The following ERC1 variants were observed in gnomAD, a reference collection of about 807,000 sequenced individuals.
ERC1 encodes the protein RAB6 interacting protein 2.
ERC1 carries 56 observed loss-of-function variants against 132.0 expected under a neutral mutation model. The observed-to-expected ratio is 0.42, with a 90% confidence interval of 0.34 to 0.53. The LOEUF (loss-of-function observed/expected upper bound fraction) is 0.53. Ranked by LOEUF, ERC1 falls within the 20% of genes least tolerant of loss-of-function variation. The pLI, the probability that ERC1 is intolerant of heterozygous loss-of-function variation, is 0.03. For synonymous variants in ERC1, 478 were observed against 476.1 expected, an observed-to-expected ratio of 1.00 and a Z score of -0.05; for missense variants, 1,202 against 1,349.9, an observed-to-expected ratio of 0.89 and a Z score of 1.72.
chr12:1,419,789 A>T lies in ERC1; in HGVS notation c.3024+11542A>T, dbSNP rs536980718. On this transcript the variant is annotated intron_variant, in intron 17 of 18. Transcript: ENST00000360905. ...TGCACTTCAAATGGTTAAGATGGTG[A>T]ATTTTATGTTATGTGTATTTTGCTA... 3.1e-4 allele frequency among the ~76,000 whole-genome samples: 47 copies of T among 151,922 alleles called. 1 individual carries two copies. The South Asian group carries it at 6.4e-3, about 21-fold the overall frequency.
At chr12:1,450,247 A>T (rs983512992) in intron 18 of ERC1, among the ~76,000 whole-genome samples, 9 of 152,192 alleles carry the variant, frequency 5.9e-5, no homozygotes, top group Non-Finnish European at 1.2e-4. Flanking sequence ...CATAACGTAA[A>T]CTATCACCAC....
intron 8 of ERC1, among the ~76,000 whole-genome samples, chr12:1,156,735 G>T (rs972894429): frequency 2.0e-5 from 3 of 152,014 alleles, no homozygotes; most frequent in African/African-American, 7.2e-5. Flanking sequence ...GACTTGGTAG[G>T]CAATTCTGAA....
intron 17 of ERC1, chr12:1,444,344 T>A (rs976301678): frequency 4.0e-5 from 17 of 426,014 alleles, no homozygotes; most frequent in Non-Finnish European, 6.6e-5. Flanking sequence ...GTTCTCTTCC[T>A]GTCTCCCAGA....
At position 1,445,222 on chromosome 12, in the gene ERC1, A is replaced by ATTTT. The variant is rs137864873; in HGVS notation, c.3213+494_3213+497dup. Among the ~76,000 whole-genome samples, 112 of 90,732 alleles carry ATTTT rather than the reference A, an allele frequency of 1.2e-3. 9 individuals carry two copies. The highest frequency in any genetic ancestry group is 4.8e-3 in the African/African-American group (91 of 18,776). 59.5% of individuals were successfully genotyped at this position (90,732 alleles called of 152,430 possible). On this transcript the variant is annotated intron_variant, in intron 18 of 18. Coordinates refer to ENST00000360905, the MANE Select transcript of ERC1 (RefSeq NM_178040.4). ...GTATAGTCAGCATGTTGTACAGTAG[A>ATTTT]TTTTTTTTTTTTTTTTTTTTTTTTT...
chr12:1,401,394 C>G (rs2091055709), intron 16 of ERC1, among the ~76,000 whole-genome samples: 1 of 152,098 alleles, frequency 6.6e-6, no homozygotes. Flanking sequence ...GCAGGTAGAG[C>G]AGTAGAATCG....
chr12:1,215,335 C>T (rs559285310), intron 12 of ERC1, among the ~76,000 whole-genome samples: 1 of 152,196 alleles, frequency 6.6e-6, no homozygotes, highest in South Asian at 2.1e-4. Flanking sequence ...GACAAAATTT[C>T]TGAGACAGTT....
intron 17 of ERC1, among the ~76,000 whole-genome samples, chr12:1,430,999 C>G (rs1489113873): frequency 6.6e-6 from 1 of 152,162 alleles, no homozygotes; most frequent in Non-Finnish European, 1.5e-5. Flanking sequence ...TCTAGTCTCT[C>G]TTGGTTGAGA....
chr12:1,448,737 T>C (rs1295410017), intron 18 of ERC1, among the ~76,000 whole-genome samples: 2 of 152,248 alleles, frequency 1.3e-5, no homozygotes, highest in African/African-American at 4.8e-5. Flanking sequence ...TTTTCAATGC[T>C]AGGGCAGTGC....
chr12:1,462,367 A>G (rs1466694116), intron 18 of ERC1, among the ~76,000 whole-genome samples: 1 of 152,204 alleles, frequency 6.6e-6, no homozygotes, highest in African/African-American at 2.4e-5. Flanking sequence ...CCACAAAAAG[A>G]CTTGTACAAG....
At chr12:1,048,009 G>T (rs966341006) in intron 2 of ERC1, among the ~76,000 whole-genome samples, 1 of 152,088 alleles carries the variant, frequency 6.6e-6, no homozygotes, top group Non-Finnish European at 1.5e-5. Context: ...TGTGGAAGTC[G>T]CCTTCCTTTG....
chr12:1,363,296 TAA>T (rs965608610), intron 15 of ERC1, among the ~76,000 whole-genome samples: 4 of 152,196 alleles, frequency 2.6e-5, no homozygotes, highest in Non-Finnish European at 4.4e-5. Flanking sequence ...ACAGTAAAAC[TAA>T]GTCTTCTAAA....
intron 1 of ERC1, among the ~76,000 whole-genome samples, chr12:1,017,384 A>C (rs1387056218): frequency 6.6e-6 from 1 of 152,184 alleles, no homozygotes; most frequent in Non-Finnish European, 1.5e-5. Flanking sequence ...ATAAACACAT[A>C]ATTTAAGATA....
intron 17 of ERC1, among the ~76,000 whole-genome samples, chr12:1,420,505 T>C (rs1190296873): frequency 6.6e-6 from 1 of 152,158 alleles, no homozygotes; most frequent in East Asian, 1.9e-4. Context: ...ACCCAGGCTG[T>C]AGTGCAGTGG....
At chr12:1,186,390 A>G (rs1955097989) in intron 11 of ERC1, among the ~76,000 whole-genome samples, 1 of 152,216 alleles carries the variant, frequency 6.6e-6, no homozygotes, top group South Asian at 2.1e-4. Context: ...CTTTGCCTCC[A>G]GTGTATGAGT....
At chr12:1,381,747 G>C (rs946812232) in intron 16 of ERC1, among the ~76,000 whole-genome samples, 2 of 152,126 alleles carry the variant, frequency 1.3e-5, no homozygotes, top group Admixed American at 6.5e-5. Flanking sequence ...CACTTCCTCA[G>C]CTCAATCTCC....
At chr12:1,295,666 G>T (rs1385714670) in intron 15 of ERC1, among the ~76,000 whole-genome samples, 1 of 152,032 alleles carries the variant, frequency 6.6e-6, no homozygotes, top group Non-Finnish European at 1.5e-5. Context: ...GCTAAGACTA[G>T]TAAAAGAAGG....
At chr12:1,289,397 T>A (rs1332631252) in intron 14 of ERC1, among the ~76,000 whole-genome samples, 1 of 151,950 alleles carries the variant, frequency 6.6e-6, no homozygotes, top group Non-Finnish European at 1.5e-5. Context: ...TAGGAAAATT[T>A]TAGTTTAGAG....
At chr12:1,252,426 T>C (rs1160419296) in intron 13 of ERC1, among the ~76,000 whole-genome samples, 3 of 152,206 alleles carry the variant, frequency 2.0e-5, no homozygotes, top group African/African-American at 7.2e-5. Flanking sequence ...AGATTTATAG[T>C]GTCCTAGGAT....
At chr12:1,042,408 C>T (rs1027282485) in intron 2 of ERC1, among the ~76,000 whole-genome samples, 11 of 142,182 alleles carry the variant, frequency 7.7e-5, no homozygotes, top group Non-Finnish European at 1.1e-4. Flanking sequence ...TGCAGTGACA[C>T]GATCTTGGCT....
Sources: allele counts gnomAD v4.1 joint callset (sites outside exome capture counted in the v4.1 genomes callset), GRCh38; gene constraint gnomAD v4.1.1; transcripts MANE v1.5; gene names NCBI Gene and HGNC (gene_info 2026-07-23, HGNC 2026-07-21).